The following RANBP2 variants were observed in gnomAD, a reference collection of about 807,000 sequenced individuals.
RANBP2 encodes the protein E3 SUMO-protein ligase RanBP2.
A neutral mutation model predicts 303.6 loss-of-function variants in RANBP2; 57 were observed. That is an observed-to-expected ratio of 0.19 (90% CI 0.15 to 0.23). The LOEUF (loss-of-function observed/expected upper bound fraction) is 0.23. RANBP2 is among the 10% of genes least tolerant of loss of function. The probability of loss-of-function intolerance (pLI) is 1.00; values close to 1 mark genes in which losing one functional copy is unlikely to be tolerated. For synonymous variants in RANBP2, 1,167 were observed against 1,301.5 expected, an observed-to-expected ratio of 0.90 and a Z score of 2.23; for missense variants, 3,138 against 3,780.8, an observed-to-expected ratio of 0.83 and a Z score of 4.46.
chr2:108,824,836 A>G, the RANBP2 span, among the ~76,000 whole-genome samples: 1 of 152,196 alleles, frequency 6.6e-6, no homozygotes, highest in East Asian at 1.9e-4. Context: ...AACAGCTACA[A>G]CATCACTAAG....
At chr2:109,130,409 C>G in the RANBP2 span, among the ~76,000 whole-genome samples, 1 of 152,220 alleles carries the variant, frequency 6.6e-6, no homozygotes. Flanking sequence ...AACTTAGCAT[C>G]GCCCTTGCGT....
At chr2:109,764,041 A>G in the RANBP2 span, among the ~76,000 whole-genome samples, 5 of 145,072 alleles carry the variant, frequency 3.4e-5, no homozygotes, top group Non-Finnish European at 6.0e-5. Flanking sequence ...AAACATCCAT[A>G]CTTACTCTTC....
At chr2:109,211,041 T>C in the RANBP2 span, among the ~76,000 whole-genome samples, 167 of 152,298 alleles carry the variant, frequency 1.1e-3, 2 homozygotes, top group Non-Finnish European at 8.1e-4. Context: ...AGCTCTTCAG[T>C]TGAGTCTGTT....
chr2:108,789,873 TAATGCTA>T (rs990136754), downstream of RANBP2, among the ~76,000 whole-genome samples: 3 of 152,218 alleles, frequency 2.0e-5, no homozygotes, highest in African/African-American at 7.2e-5. Flanking sequence ...GGATATTATT[TAATGCTA>T]AAAATATGTG....
the RANBP2 span, chr2:109,543,962 T>C: frequency 1.4e-4 from 82 of 578,974 alleles, no homozygotes; most frequent in Non-Finnish European, 2.4e-4. Context: ...TACAAAAATT[T>C]TGTGCAAGAA....
chr2:109,401,449 G>T, the RANBP2 span, among the ~76,000 whole-genome samples: 2 of 152,232 alleles, frequency 1.3e-5, no homozygotes, highest in South Asian at 4.1e-4. Flanking sequence ...ATCAACCAGA[G>T]GGAGGGCCCT....
intron 28 of RANBP2, 130 bp from the exon 29 acceptor site, chr2:108,783,466 A>G (rs1186542291): frequency 1.6e-6 from 1 of 644,582 alleles, no homozygotes; most frequent in Non-Finnish European, 2.6e-6. Flanking sequence ...TTTTCAAACT[A>G]TACTCAGGAA....
chr2:109,583,592 G>C, the RANBP2 span, among the ~76,000 whole-genome samples: 1,449 of 152,250 alleles, frequency 9.5e-3, 66 homozygotes, highest in East Asian at 0.13. Context: ...ATTTCTCAAA[G>C]AACTTAAACC....
At chr2:108,809,451 TGTGTGTGTGTG>T in the RANBP2 span, among the ~76,000 whole-genome samples, 315 of 25,958 alleles carry the variant, frequency 0.012, 1 homozygote, top group African/African-American at 0.034. Flanking sequence ...TGAAATGTTG[TGTGTGTGTGTG>T]TGTGTGTGTG....
the RANBP2 span, among the ~76,000 whole-genome samples, chr2:108,926,839 G>T: frequency 6.6e-6 from 1 of 152,354 alleles, no homozygotes; most frequent in East Asian, 1.9e-4. Context: ...CAGCCTGACA[G>T]CCACTTGGAT....
chr2:109,219,518 CT>C, the RANBP2 span, among the ~76,000 whole-genome samples: 1 of 152,094 alleles, frequency 6.6e-6, no homozygotes, highest in African/African-American at 2.4e-5. Flanking sequence ...AAAATTATCT[CT>C]GTTTGCAGAT....
At chr2:108,963,147 T>C in the RANBP2 span, among the ~76,000 whole-genome samples, 1 of 152,214 alleles carries the variant, frequency 6.6e-6, no homozygotes, top group Non-Finnish European at 1.5e-5. Context: ...CACTTGACTG[T>C]GTGCACGAGT....
the RANBP2 span, among the ~76,000 whole-genome samples, chr2:109,342,997 A>G: frequency 7.9e-5 from 12 of 152,074 alleles, no homozygotes; most frequent in African/African-American, 1.9e-4. Context: ...CTTAGTGACA[A>G]TGTTTGAATG....
chr2:108,833,898 T>TG, the RANBP2 span, among the ~76,000 whole-genome samples: 1 of 135,564 alleles, frequency 7.4e-6, no homozygotes, highest in Non-Finnish European at 1.5e-5. Context: ...CGGCTAATTT[T>TG]TTTTTTTTTT....
chr2:109,225,482 G>A, the RANBP2 span, among the ~76,000 whole-genome samples: 1 of 152,214 alleles, frequency 6.6e-6, no homozygotes. Context: ...CTCCCCACTG[G>A]GGACTGGGTG....
At chr2:109,540,431 A>T in the RANBP2 span, among the ~76,000 whole-genome samples, 1 of 152,140 alleles carries the variant, frequency 6.6e-6, no homozygotes, top group African/African-American at 2.4e-5. Context: ...TGCTGAAGCT[A>T]TTATTTTGTA....
At chr2:109,490,906 G>C in the RANBP2 span, 1 of 1,514,938 alleles carries the variant, frequency 6.6e-7, no homozygotes, top group South Asian at 1.2e-5. Context: ...GCTGCCATCC[G>C]CCCCGAGCCC....
At chr2:109,680,818 C>T in the RANBP2 span, among the ~76,000 whole-genome samples, 103 of 152,176 alleles carry the variant, frequency 6.8e-4, no homozygotes, top group Non-Finnish European at 1.2e-3. Context: ...TGGATGGCTG[C>T]TATAAAAATG....
chr2:109,526,029 C>T, the RANBP2 span, among the ~76,000 whole-genome samples: 2 of 152,130 alleles, frequency 1.3e-5, no homozygotes, highest in African/African-American at 2.4e-5. Context: ...CTCGCAATCC[C>T]GAGCACCAGA....
Sources: allele counts gnomAD v4.1 joint callset (sites outside exome capture counted in the v4.1 genomes callset), GRCh38; gene constraint gnomAD v4.1.1; transcripts MANE v1.5; gene names NCBI Gene and HGNC (gene_info 2026-07-23, HGNC 2026-07-21).